The following KIAA0319L variants were observed in gnomAD, a reference collection of about 807,000 sequenced individuals.
KIAA0319L encodes the protein KIAA0319 like.
Under a neutral mutation model 120.1 loss-of-function variants are expected in KIAA0319L, and 55 were observed. The ratio of observed to expected loss-of-function variants is 0.46; its 90% CI spans 0.37 to 0.57. The LOEUF (loss-of-function observed/expected upper bound fraction) is 0.57, where lower values mean the gene tolerates loss of function less well. Among genes scored for constraint, KIAA0319L ranks in the 20% least tolerant of loss-of-function variants. KIAA0319L has a pLI of 0.00. For synonymous variants in KIAA0319L, 398 were observed against 471.9 expected (o/e 0.84, Z 2.03); for missense variants, 1,049 against 1,255.3 (o/e 0.84, Z 2.48).
rs369158828 is a variant in KIAA0319L at position 35,455,946 on chromosome 1, T to C, written c.1656+67A>G. 75 of 1,209,396 alleles carry C rather than the reference T, an allele frequency of 6.2e-5. 3 individuals carry two copies. Among genetic ancestry groups the C allele is most frequent in the East Asian group, 3.1e-4 (13 of 42,414 alleles). 74.9% of individuals were successfully genotyped at this position (1,209,396 alleles called of 1,614,324 possible). On this transcript the variant is annotated intron_variant, in intron 10 of 20. Coordinates refer to ENST00000325722, the MANE Select transcript of KIAA0319L (RefSeq NM_024874.5). ...AGCTTTCTCAGTTTGTTTGGAGGTT[T>C]CTAAAAATGCAGTCCAGCAGCTCTA...
chr1:35,542,062 C>T (rs114721967), intron 2 of KIAA0319L, among the ~76,000 whole-genome samples: 3,191 of 152,274 alleles, frequency 0.021, 104 homozygotes, highest in African/African-American at 0.072. Flanking sequence ...ACAAAGCTCC[C>T]ACTGGACAGA....
intron 8 of KIAA0319L, among the ~76,000 whole-genome samples, chr1:35,461,246 C>A (rs542459002): frequency 6.6e-6 from 1 of 152,114 alleles, no homozygotes; most frequent in Non-Finnish European, 1.5e-5. Context: ...GTGGGCGGAT[C>A]CCCTGAGGTC....
intron 3 of KIAA0319L, among the ~76,000 whole-genome samples, chr1:35,496,863 C>G (rs755396607): frequency 6.8e-6 from 1 of 147,444 alleles, no homozygotes; most frequent in Non-Finnish European, 1.5e-5. Flanking sequence ...ACAAGAATCA[C>G]TTGAACCCTG....
At chr1:35,531,161 A>G (rs1646351981) in intron 2 of KIAA0319L, among the ~76,000 whole-genome samples, 1 of 152,212 alleles carries the variant, frequency 6.6e-6, no homozygotes, top group Non-Finnish European at 1.5e-5. Flanking sequence ...ATGAAAGTAC[A>G]TGGCAGCCTG....
intron 3 of KIAA0319L, among the ~76,000 whole-genome samples, chr1:35,505,043 C>A (rs1645158670): frequency 6.6e-6 from 1 of 152,138 alleles, no homozygotes; most frequent in African/African-American, 2.4e-5. Flanking sequence ...CTTAAACTTT[C>A]TTTCTTTAAA....
chr1:35,541,677 A>G (rs780162887), intron 2 of KIAA0319L, among the ~76,000 whole-genome samples: 22 of 152,084 alleles, frequency 1.4e-4, no homozygotes, highest in Admixed American at 6.6e-5. Flanking sequence ...CCAAAACCCA[A>G]AAGTGTTGTT....
At chr1:35,539,578 C>A (rs373630714) in intron 2 of KIAA0319L, among the ~76,000 whole-genome samples, 1 of 152,202 alleles carries the variant, frequency 6.6e-6, no homozygotes, top group South Asian at 2.1e-4. Flanking sequence ...ACTGCTTCAG[C>A]ATATGGGGCT....
chr1:35,538,238 A>T (rs972007392), intron 2 of KIAA0319L, among the ~76,000 whole-genome samples: 1 of 152,164 alleles, frequency 6.6e-6, no homozygotes, highest in African/African-American at 2.4e-5. Context: ...TATATATATA[A>T]AATACCTAGA....
chr1:35,457,025 T>A (rs1025665467), intron 9 of KIAA0319L, among the ~76,000 whole-genome samples: 1 of 152,074 alleles, frequency 6.6e-6, no homozygotes, highest in Non-Finnish European at 1.5e-5. Context: ...CCAGGCAATA[T>A]GTCTCCAGCG....
intron 14 of KIAA0319L, 129 bp from the exon 15 acceptor site, chr1:35,450,134 C>A: frequency 8.5e-7 from 1 of 1,170,776 alleles, no homozygotes; most frequent in Non-Finnish European, 1.2e-6. Flanking sequence ...GTTCCTGATA[C>A]GGAACAGCAT....
At chr1:35,509,447 T>C (rs942234483) in intron 2 of KIAA0319L, among the ~76,000 whole-genome samples, 10 of 152,226 alleles carry the variant, frequency 6.6e-5, no homozygotes, top group African/African-American at 2.4e-4. Context: ...GAAAAGTCTA[T>C]AAAATCAATG....
At chr1:35,475,431 T>C (rs987501274) in intron 4 of KIAA0319L, among the ~76,000 whole-genome samples, 1 of 152,172 alleles carries the variant, frequency 6.6e-6, no homozygotes, top group Non-Finnish European at 1.5e-5. Context: ...TTTCTTTCCA[T>C]TCCAATTGCT....
chr1:35,479,952 A>AC (rs1281329095), intron 3 of KIAA0319L, among the ~76,000 whole-genome samples: 7 of 136,836 alleles, frequency 5.1e-5, no homozygotes, highest in African/African-American at 2.2e-4. Flanking sequence ...TGAGCCAAAA[A>AC]AAAAAAAAAA....
chr1:35,537,615 T>TAAAAA, intron 2 of KIAA0319L, among the ~76,000 whole-genome samples: 1 of 102,918 alleles, frequency 9.7e-6, no homozygotes, highest in South Asian at 3.3e-4. Context: ...TAAGCGCCAT[T>TAAAAA]AAAAAAAAAA....
intron 3 of KIAA0319L, among the ~76,000 whole-genome samples, chr1:35,493,315 A>G (rs1644669006): frequency 6.6e-6 from 1 of 152,230 alleles, no homozygotes; most frequent in South Asian, 2.1e-4. Flanking sequence ...GAAATACACA[A>G]ATATATATAC....
At position 35,453,872 on chromosome 1, in the gene KIAA0319L, T is replaced by G. The variant is rs1265111180; in HGVS notation, c.1781-183A>C. On this transcript the variant is annotated intron_variant, in intron 11 of 20. Transcript: ENST00000325722. The surrounding 1 kb of genome is among the most constrained non-coding windows in gnomAD (Gnocchi z 4.1). ...ATAAAGAATATAAGGCTGAAACATA[T>G]CAAGCAATTCTGACAGAAACATAGA... 6.6e-6 allele frequency among the ~76,000 whole-genome samples: 1 copy of G among 152,158 alleles called. No homozygotes were observed. Among genetic ancestry groups the G allele is most frequent in the Non-Finnish European group, 1.5e-5 (1 of 68,024 alleles).
intron 4 of KIAA0319L, among the ~76,000 whole-genome samples, chr1:35,475,303 T>C (rs1643867080): frequency 6.6e-6 from 1 of 152,162 alleles, no homozygotes; most frequent in Non-Finnish European, 1.5e-5. Flanking sequence ...ATATACTACA[T>C]TCCACAGAGT....
intron 17 of KIAA0319L, 199 bp from the exon 18 acceptor site, chr1:35,443,227 G>T: frequency 5.2e-6 from 3 of 574,308 alleles, no homozygotes; most frequent in Admixed American, 6.1e-5. Context: ...CCACTAGAAA[G>T]ACACTTCCAG....
At chr1:35,477,666 CAAAAAAAAAAAAAAA>C (rs34588440) in intron 4 of KIAA0319L, among the ~76,000 whole-genome samples, 1 of 55,682 alleles carries the variant, frequency 1.8e-5, no homozygotes, top group Non-Finnish European at 4.6e-5. Flanking sequence ...GACTCTGTCT[CAAAAAAAAAAAAAAA>C]AAAAAAACCT....
Sources: gnomAD v4.1 joint callset for allele counts (sites outside exome capture counted in the v4.1 genomes callset) on GRCh38, gnomAD v4.1.1 for gene constraint, Gnocchi (gnomAD v3.1) non-coding constraint, MANE v1.5 for transcripts, NCBI Gene and HGNC (gene_info 2026-07-23, HGNC 2026-07-21) for gene names.